ITPR2: variants seen among roughly 807,000 people sequenced by gnomAD.
ITPR2 encodes the protein inositol 1,4,5-trisphosphate-gated calcium channel ITPR2.
ITPR2 carries 207 observed loss-of-function variants against 317.1 expected under a neutral mutation model. The ratio of observed to expected loss-of-function variants is 0.65; its 90% CI spans 0.58 to 0.73. ITPR2 has a LOEUF of 0.73. Ranked by LOEUF, ITPR2 falls within the 30% of genes least tolerant of loss-of-function variation. ITPR2 has a pLI of 0.00. For synonymous variants in ITPR2, 1,156 were observed against 1,149.1 expected (o/e 1.01, Z -0.12); for missense variants, 2,613 against 3,284.0 (o/e 0.80, Z 4.99).
chr12:26,392,627 G>A (rs1244500977), intron 54 of ITPR2, among the ~76,000 whole-genome samples: 3 of 152,182 alleles, frequency 2.0e-5, no homozygotes, highest in African/African-American at 4.8e-5. Context: ...TTAAATAAAT[G>A]AATAAGAGAG....
chr12:26,679,677 CT>C (rs1358403443), intron 13 of ITPR2, among the ~76,000 whole-genome samples: 1 of 152,058 alleles, frequency 6.6e-6, no homozygotes, highest in Non-Finnish European at 1.5e-5. Context: ...GTCTAGTTTT[CT>C]TTTTTATTTT....
At position 26,659,228 on chromosome 12, in the gene ITPR2, C is replaced by T. The variant is rs1947442118; in HGVS notation, c.1771G>A (p.Ala591Thr). The T allele has an allele frequency of 1.2e-6, 2 of 1,613,376 alleles. No individual in the cohort carries two copies. The highest frequency in any genetic ancestry group is 1.7e-6 in the Non-Finnish European group (2 of 1,179,702). The stretch of plus-strand genomic sequence containing the variant: ...AACAAAGCTGTGATAGTATCTTCTG[C>T]CAAAATATCATAGCCAATCTGGGAC... ...MQSQIGYDIL[A>T]EDTITALLHN... The change falls in exon 16 of 57, where the codon GCA becomes ACA. Residue 591 changes from alanine (A) to threonine (T), a missense_variant. By Grantham distance (58) the Ala-to-Thr change is moderately conservative (BLOSUM62 0). Coordinates refer to ENST00000381340, the MANE Select transcript of ITPR2 (RefSeq NM_002223.4).
intron 41 of ITPR2, among the ~76,000 whole-genome samples, chr12:26,485,315 T>C (rs1321118877): frequency 6.6e-6 from 1 of 152,218 alleles, no homozygotes; most frequent in Non-Finnish European, 1.5e-5. Context: ...TTAAAAGTAG[T>C]ATTTTCTATA....
In ITPR2 at chr12:26,695,768, T is replaced by A. The variant is rs965781150; in HGVS notation, c.952-118A>T. ...AACTAAGTTTAATATAAAAAGATGC[T>A]AAGAAAGAAACTATTAGTAAATATG... On this transcript the variant is annotated intron_variant, in intron 9 of 56. Transcript: ENST00000381340. The A allele has an allele frequency of 3.0e-5, 20 of 674,944 alleles. No individual in the cohort carries two copies. The African/African-American group carries it at 3.5e-4, about 12-fold the overall frequency. 41.8% of individuals were successfully genotyped at this position (674,944 alleles called of 1,614,324 possible).
intron 51 of ITPR2, among the ~76,000 whole-genome samples, chr12:26,413,827 T>C (rs1940629467): frequency 6.6e-6 from 1 of 152,222 alleles, no homozygotes; most frequent in Admixed American, 6.5e-5. Context: ...AAAGAAAATA[T>C]TTATGTTCAT....
intron 52 of ITPR2, among the ~76,000 whole-genome samples, chr12:26,403,503 C>T (rs1940247096): frequency 6.6e-6 from 1 of 152,002 alleles, no homozygotes; most frequent in African/African-American, 2.4e-5. Flanking sequence ...GTGTAGGCCC[C>T]GCTACTCAGG....
intron 32 of ITPR2, among the ~76,000 whole-genome samples, chr12:26,581,128 T>C (rs550761808): frequency 6.6e-6 from 1 of 152,336 alleles, no homozygotes; most frequent in Non-Finnish European, 1.5e-5. Context: ...ATGTAATTTT[T>C]AAAAATTTTC....
At chr12:26,830,028 C>T (rs1444674065) in intron 1 of ITPR2, among the ~76,000 whole-genome samples, 1 of 152,168 alleles carries the variant, frequency 6.6e-6, no homozygotes, top group Admixed American at 6.5e-5. Context: ...CTCAGCCTCC[C>T]GAGTAGCTGG....
chr12:26,409,734 A>G (rs1940478957), intron 52 of ITPR2, among the ~76,000 whole-genome samples: 1 of 152,190 alleles, frequency 6.6e-6, no homozygotes, highest in Non-Finnish European at 1.5e-5. Context: ...AAGGAGAATA[A>G]ATATATTGCT....
At position 26,656,502 on chromosome 12, in the gene ITPR2, G is replaced by C; in HGVS notation, c.2239C>G (p.Leu747Val). The change falls in exon 19 of 57, where the codon CTG becomes GTG. Residue 747 changes from leucine to valine, a missense_variant. Around this residue, in one of 9 missense-constraint regions of ITPR2, gnomAD observed 817 missense variants for 897.6 expected, o/e 0.91. Transcript: ENST00000381340. ...FARMCLDRQY[L>V]AINQISTQLS... ...TGTGTAGAAATCTGGTTTATGGCCAGATACTGGCGATCCAAGCACATCCTT... is the reference window on the plus strand; with the variant it reads ...TGTGTAGAAATCTGGTTTATGGCCACATACTGGCGATCCAAGCACATCCTT... 6.2e-7 allele frequency: 1 copy of C among 1,614,212 alleles called. No homozygotes were observed. The highest frequency in any genetic ancestry group is 8.5e-7 in the Non-Finnish European group (1 of 1,180,034).
At chr12:26,511,324 C>A (rs1316627043) in intron 37 of ITPR2, among the ~76,000 whole-genome samples, 1 of 152,226 alleles carries the variant, frequency 6.6e-6, no homozygotes, top group Non-Finnish European at 1.5e-5. Context: ...GTTTCTGACA[C>A]CCCTCCCCTA....
chr12:26,494,654 C>T (rs1565560007), intron 38 of ITPR2, among the ~76,000 whole-genome samples: 2 of 150,438 alleles, frequency 1.3e-5, no homozygotes. Flanking sequence ...ACTGTAATCA[C>T]AGCTACTTGG....
At chr12:26,820,765 CAT>C (rs1348240208) in intron 1 of ITPR2, among the ~76,000 whole-genome samples, 5 of 152,178 alleles carry the variant, frequency 3.3e-5, no homozygotes, top group Non-Finnish European at 7.3e-5. Flanking sequence ...CACAATGGAT[CAT>C]ATGTCTACAA....
Position 26,439,261 on chromosome 12 carries a change from T to G in ITPR2, c.6509A>C (p.Glu2170Ala). Reference sequence around the variant, plus strand: ...GCACTTGGATTCTCGAGTGAGGTATTCACATATATTGGGGACAGGAAAAAC... The same window carrying G: ...GCACTTGGATTCTCGAGTGAGGTATGCACATATATTGGGGACAGGAAAAAC... ...QIVFPVPNIC[E>A]YLTRESKCRV... Residue 2170 changes from glutamate (E) to alanine (A), a missense_variant, in exon 47 of 57, where the codon GAA becomes GCA. This residue lies in a region of ITPR2 where 926 missense variants were observed against 1,072.8 expected (regional missense o/e 0.86). Coordinates refer to ENST00000381340, the MANE Select transcript of ITPR2 (RefSeq NM_002223.4). 1 of 1,612,900 alleles carries G rather than the reference T, an allele frequency of 6.2e-7. No homozygotes were observed. The highest frequency in any genetic ancestry group is 8.5e-7 in the Non-Finnish European group (1 of 1,179,436).
chr12:26,826,367 T>C (rs1424965834), intron 1 of ITPR2, among the ~76,000 whole-genome samples: 2 of 152,112 alleles, frequency 1.3e-5, no homozygotes, highest in African/African-American at 2.4e-5. Context: ...GAAGAGAAAT[T>C]TGAGGGACTA....
rs969517962 is a variant in ITPR2 at position 26,382,857 on chromosome 12, C to G, written c.7857+4577G>C. ...TTTGATATAGTATGGATATCTGTCC[C>G]CTCCAAACTTCATATTAAAATGTCA... is the stretch of plus-strand genomic sequence containing the variant. On this transcript the variant is annotated intron_variant, in intron 55 of 56. Transcript: ENST00000381340. Among the ~76,000 whole-genome samples, 3 of 152,054 alleles carry G rather than the reference C, an allele frequency of 2.0e-5. No homozygotes were observed. In the East Asian group the frequency reaches 5.8e-4, roughly 29 times the overall value.
At chr12:26,383,014 G>A (rs1939554823) in intron 55 of ITPR2, among the ~76,000 whole-genome samples, 1 of 152,206 alleles carries the variant, frequency 6.6e-6, no homozygotes, top group Non-Finnish European at 1.5e-5. Context: ...GTGGGGCTTA[G>A]TGGGAGGCTT....
intron 45 of ITPR2, among the ~76,000 whole-genome samples, chr12:26,449,109 A>C (rs912658888): frequency 2.0e-5 from 3 of 152,184 alleles, no homozygotes; most frequent in African/African-American, 7.2e-5. Flanking sequence ...ACATTCAATA[A>C]TAATTATTCC....
intron 32 of ITPR2, among the ~76,000 whole-genome samples, chr12:26,582,293 T>C (rs532433577): frequency 6.8e-6 from 1 of 146,500 alleles, no homozygotes; most frequent in African/African-American, 2.7e-5. Flanking sequence ...TTTTCTTTTA[T>C]TTTAATTTAT....
Sources: allele counts gnomAD v4.1 joint callset (sites outside exome capture counted in the v4.1 genomes callset), GRCh38; gene constraint gnomAD v4.1.1; regional missense constraint gnomAD v4.1.1; transcripts MANE v1.5; gene names NCBI Gene and HGNC (gene_info 2026-07-23, HGNC 2026-07-21).